The following COL22A1 variants were observed in gnomAD, a reference collection of about 807,000 sequenced individuals.
The protein encoded by COL22A1 is collagen type XXII alpha 1 chain.
COL22A1 carries 221 observed loss-of-function variants against 248.9 expected under a neutral mutation model. That is an observed-to-expected ratio of 0.89 (90% CI 0.80 to 0.99). The LOEUF (loss-of-function observed/expected upper bound fraction) is 0.99. Ranked by LOEUF, COL22A1 falls within the 50% of genes least tolerant of loss-of-function variation. The probability of loss-of-function intolerance (pLI) is 0.00; values close to 1 mark genes in which losing one functional copy is unlikely to be tolerated. For missense variants in COL22A1, 2,240 were observed against 2,179.0 expected, an observed-to-expected ratio of 1.03 and a Z score of -0.56; for synonymous variants, 891 against 793.4, an observed-to-expected ratio of 1.12 and a Z score of -2.07.
intron 4 of COL22A1, among the ~76,000 whole-genome samples, chr8:138,842,986 G>C (rs1347192543): frequency 1.3e-5 from 2 of 152,174 alleles, no homozygotes; most frequent in Non-Finnish European, 1.5e-5. Context: ...CAGTTACCCT[G>C]GTGGATGACT....
intron 56 of COL22A1, among the ~76,000 whole-genome samples, chr8:138,609,050 G>C (rs1027748689): frequency 3.3e-5 from 5 of 152,248 alleles, no homozygotes; most frequent in Admixed American, 6.5e-5. Flanking sequence ...AATGTGCGAA[G>C]CATGCATTCA....
At chr8:138,847,884 T>A (rs952405274) in intron 3 of COL22A1, among the ~76,000 whole-genome samples, 5 of 152,260 alleles carry the variant, frequency 3.3e-5, no homozygotes, top group African/African-American at 1.2e-4. Context: ...CAAATTTGCA[T>A]GCATTTCCTT....
At chr8:138,614,574 A>T (rs935681625) in intron 55 of COL22A1, among the ~76,000 whole-genome samples, 1 of 152,216 alleles carries the variant, frequency 6.6e-6, no homozygotes, top group African/African-American at 2.4e-5. Flanking sequence ...TCCCAGCTCT[A>T]GCCCTATGTA....
intron 3 of COL22A1, 150 bp from the exon 4 acceptor site, chr8:138,844,308 G>A (rs1012175470): frequency 2.7e-5 from 19 of 711,874 alleles, no homozygotes; most frequent in East Asian, 2.5e-4. Context: ...TGGCATCTCC[G>A]CACTCACTCA....
intron 30 of COL22A1, among the ~76,000 whole-genome samples, chr8:138,710,004 G>C (rs1413127034): frequency 1.3e-5 from 2 of 152,158 alleles, no homozygotes; most frequent in Admixed American, 6.5e-5. Flanking sequence ...CAGGAACCTG[G>C]GGGGAACAGT....
chr8:138,593,282 C>A (rs1346807373), intron 63 of COL22A1, among the ~76,000 whole-genome samples: 1 of 151,952 alleles, frequency 6.6e-6, no homozygotes, highest in Non-Finnish European at 1.5e-5. Flanking sequence ...GGCTTTAAAC[C>A]TAGATGACGG....
intron 23 of COL22A1, among the ~76,000 whole-genome samples, chr8:138,735,385 T>G (rs1488258785): frequency 6.6e-6 from 1 of 152,108 alleles, no homozygotes; most frequent in African/African-American, 2.4e-5. Context: ...CTCCCTGCCA[T>G]GAAAGCCTGG....
rs538263636 is a variant in COL22A1 at position 138,839,894 on chromosome 8, GAC to G, written c.733+4188_733+4189del. On this transcript the variant is annotated intron_variant, in intron 4 of 64. Transcript: ENST00000303045. The stretch of plus-strand genomic sequence containing the variant: ...TTTAGAGCTGAGAGGGACTCTTGAA[GAC>G]ATTCTGTAGGATCCACTGTTATATA... 2.9e-3 allele frequency among the ~76,000 whole-genome samples: 441 copies of G among 152,314 alleles called. 1 individual carries two copies. Among genetic ancestry groups the G allele is most frequent in the African/African-American group, 0.01 (416 of 41,566 alleles).
At chr8:138,733,754 G>A (rs1563683855) in intron 23 of COL22A1, among the ~76,000 whole-genome samples, 1 of 152,160 alleles carries the variant, frequency 6.6e-6, no homozygotes. Flanking sequence ...TTTGTTTGAT[G>A]ATGCTTTCAC....
Position 138,833,083 on chromosome 8 carries a change from A to C in COL22A1, c.801T>G (p.Ser267Arg). Residue 267 changes from serine to arginine, a missense_variant, in exon 5 of 65, where the codon AGT becomes AGG. By Grantham distance (110) the Ser-to-Arg change is moderately radical (BLOSUM62 -1). Coordinates refer to ENST00000303045, the MANE Select transcript of COL22A1 (RefSeq NM_152888.3). ...GGAAGGATCCCATCCGTACATAGGA[A>C]CTCTGAGCTCCATTCTCTCTCTTCC... is the stretch of plus-strand genomic sequence containing the variant. ...ILGKRENGAQ[S>R]SYVRMGSFPV... 6.2e-7 allele frequency: 1 copy of C among 1,613,952 alleles called. No homozygotes were observed. The highest frequency in any genetic ancestry group is 8.5e-7 in the Non-Finnish European group (1 of 1,179,806).
intron 27 of COL22A1, among the ~76,000 whole-genome samples, chr8:138,719,871 C>T (rs1271088142): frequency 6.6e-6 from 1 of 152,230 alleles, no homozygotes; most frequent in Admixed American, 6.5e-5. Context: ...GTTTCAGTAG[C>T]TCATACCCCA....
chr8:138,871,657 C>T (rs1823351704), intron 3 of COL22A1, among the ~76,000 whole-genome samples: 1 of 152,068 alleles, frequency 6.6e-6, no homozygotes, highest in African/African-American at 2.4e-5. Flanking sequence ...AGAACAGTAC[C>T]TGAAAGATAA....
At chr8:138,640,758 C>T (rs551270085) in intron 47 of COL22A1, among the ~76,000 whole-genome samples, 1 of 152,162 alleles carries the variant, frequency 6.6e-6, no homozygotes, top group Non-Finnish European at 1.5e-5. Context: ...TTGTTCAGTT[C>T]TCGCATTCTC....
At position 138,856,754 on chromosome 8, in the gene COL22A1, G is replaced by A. The variant is rs186322150; in HGVS notation, c.659-12596C>T. 4.5e-3 allele frequency among the ~76,000 whole-genome samples: 679 copies of A among 152,260 alleles called. 2 individuals carry two copies. Among genetic ancestry groups the A allele is most frequent in the Non-Finnish European group, 7.2e-3 (492 of 67,998 alleles). ...CAGAGAGAGGAGCTTTTGTGTGGGC[G>A]GCCTGTGGGACACACTCCCAGGATG... is the stretch of plus-strand genomic sequence containing the variant. On this transcript the variant is annotated intron_variant, in intron 3 of 64. Transcript: ENST00000303045.
rs1296212971 is a variant in COL22A1, at chr8:138,833,118, C to T, written c.766G>A (p.Glu256Lys). 66 of 1,613,670 alleles carry T rather than the reference C, an allele frequency of 4.1e-5. 1 individual carries two copies. The Admixed American group carries it at 9.7e-4, about 24-fold the overall frequency. ...CCATTCTCTCTCTTCCCCAAGATTT[C>T]CTTCACACTGAACAAATCCATCAGG... ...FDLMDLFSVKEILGKRENGAQ... is the reference protein window; with the variant it reads ...FDLMDLFSVKKILGKRENGAQ... The change falls in exon 5 of 65, where the codon GAA (glutamate) becomes AAA (lysine). Residue 256 changes from glutamate to lysine, a missense_variant. Coordinates refer to ENST00000303045, the MANE Select transcript of COL22A1 (RefSeq NM_152888.3).
At chr8:138,848,326 G>A (rs1288408909) in intron 3 of COL22A1, among the ~76,000 whole-genome samples, 1 of 152,148 alleles carries the variant, frequency 6.6e-6, no homozygotes, top group Non-Finnish European at 1.5e-5. Flanking sequence ...GAGAAAAAAG[G>A]TATCTCTTCA....
chr8:138,664,976 C>T (rs192145087), intron 41 of COL22A1, among the ~76,000 whole-genome samples: 8 of 152,262 alleles, frequency 5.3e-5, no homozygotes, highest in African/African-American at 1.4e-4. Context: ...TGTAGCACAG[C>T]CCACGAGAAT....
At chr8:138,891,414 T>C (rs1345148144) in intron 1 of COL22A1, among the ~76,000 whole-genome samples, 1 of 152,198 alleles carries the variant, frequency 6.6e-6, no homozygotes, top group African/African-American at 2.4e-5. Context: ...TGGCATCAGA[T>C]CTGAAGGGCG....
chr8:138,660,911 CACAG>C (rs1236201107), intron 43 of COL22A1, among the ~76,000 whole-genome samples: 33 of 146,524 alleles, frequency 2.3e-4, no homozygotes, highest in African/African-American at 8.2e-4. Context: ...CACACACATA[CACAG>C]ACACACACAC....
Sources: gnomAD v4.1 joint callset for allele counts (sites outside exome capture counted in the v4.1 genomes callset) on GRCh38, gnomAD v4.1.1 for gene constraint, MANE v1.5 for transcripts, NCBI Gene and HGNC (gene_info 2026-07-23, HGNC 2026-07-21) for gene names.